The following PRKDC variants were observed in gnomAD, a reference collection of about 807,000 sequenced individuals.
PRKDC encodes DNA-dependent protein kinase catalytic subunit.
PRKDC carries 82 observed loss-of-function variants against 486.9 expected under a neutral mutation model. That is an observed-to-expected ratio of 0.17 (90% CI 0.14 to 0.20). PRKDC has a LOEUF of 0.20. Ranked by LOEUF, PRKDC falls within the 10% of genes least tolerant of loss-of-function variation. The pLI is 1.00. For synonymous variants in PRKDC, 1,895 were observed against 1,837.0 expected, an observed-to-expected ratio of 1.03 and a Z score of -0.81; for missense variants, 4,504 against 5,038.2, an observed-to-expected ratio of 0.89 and a Z score of 3.21.
At chr8:47,933,245 C>T (rs781704764) in intron 15 of PRKDC, 73 bp from the exon 16 acceptor site, 10 of 1,216,638 alleles carry the variant, frequency 8.2e-6, no homozygotes, top group African/African-American at 1.6e-5. Context: ...AGCATTAAGA[C>T]ACATACACAG....
rs188397922 is a variant in PRKDC, at chr8:47,843,969, A to G, written c.7281-3780T>C. On this transcript the variant is annotated intron_variant, in intron 54 of 85. Transcript: ENST00000314191. The stretch of plus-strand genomic sequence containing the variant: ...CTTAAGTACATAGCCCACAGATACT[A>G]TAAAGCAACTACACAGTTAAGTCTA... Among the ~76,000 whole-genome samples the G allele has an allele frequency of 1.2e-4, 19 of 152,378 alleles. No individual in the cohort carries two copies. In the East Asian group the frequency reaches 3.7e-3, roughly 29 times the overall value.
chr8:47,826,778 G>A lies in PRKDC; in HGVS notation c.8661C>T (p.Pro2887=), dbSNP rs78163867. 1,568 of 1,611,454 alleles carry A rather than the reference G, an allele frequency of 9.7e-4. 12 individuals are homozygous for A. In the African/African-American group the frequency reaches 0.018, roughly 18 times the overall value. The change falls in exon 63 of 86, where the codon CCC becomes CCT. Residue 2887 remains proline (P), a synonymous_variant. Transcript: ENST00000314191. The part of the protein sequence containing the change: ...SAGCLASLQQ[P]VGIRLLEEAL... The stretch of plus-strand genomic sequence containing the variant: ...CCTCCTCTAGCAGGCGGATGCCCAC[G>A]GGCTGCTGTAGGCTGGCCAGGCAAC...
chr8:47,946,575 T>G (rs527257360), intron 7 of PRKDC, among the ~76,000 whole-genome samples: 1 of 152,012 alleles, frequency 6.6e-6, no homozygotes, highest in African/African-American at 2.4e-5. Flanking sequence ...TCCTCAGCAC[T>G]CTCTTGAGAC....
In PRKDC at chr8:47,789,157, G is replaced by A. The variant is rs769045969; in HGVS notation, c.10752C>T (p.Leu3584=). 31 of 1,613,100 alleles carry A rather than the reference G, an allele frequency of 1.9e-5. 1 individual carries two copies. The South Asian group carries it at 3.4e-4, about 18-fold the overall frequency. Residue 3584 remains leucine (L), a synonymous_variant, in exon 75 of 86, where the codon CTC becomes CTT. Transcript: ENST00000314191. The stretch of plus-strand genomic sequence containing the variant: ...GAAGCCGTTCTATCATTACCTTAAA[G>A]AGCAGTTCAGGATTAGAGAGCTGAT... ...ALDQLSNPEL[L]FKDWSNDVRA... is the part of the protein sequence containing the mutation.
At chr8:47,783,946 G>T (rs1328558063) in intron 77 of PRKDC, 137 bp from the exon 78 acceptor site, 1 of 833,928 alleles carries the variant, frequency 1.2e-6, no homozygotes, top group African/African-American at 1.7e-5. Context: ...TCACTTAAAG[G>T]GAACTGACTT....
chr8:47,862,500 T>C lies in PRKDC; in HGVS notation c.5792A>G (p.Asn1931Ser), dbSNP rs2088699860. Residue 1931 changes from asparagine (N) to serine (S), a missense_variant, in exon 43 of 86, where the codon AAT becomes AGT. This residue lies in a region of PRKDC where 80 missense variants were observed against 132.3 expected (regional missense o/e 0.60). Transcript: ENST00000314191. ...AAGTCTTCTCCTCTCCAGCAGCTGA[T>C]TCTCTCCTGCCATGTTCTCTGTAAA... ...DAFTENMAGE[N>S]QLLERRRLYH... The C allele has an allele frequency of 1.2e-6, 2 of 1,613,490 alleles. No individual in the cohort carries two copies. Among genetic ancestry groups the C allele is most frequent in the African/African-American group, 2.7e-5 (2 of 74,930 alleles).
intron 68 of PRKDC, among the ~76,000 whole-genome samples, chr8:47,809,170 C>T (rs1461530102): frequency 6.6e-6 from 1 of 151,580 alleles, no homozygotes; most frequent in Non-Finnish European, 1.5e-5. Flanking sequence ...GGAAACACTG[C>T]AGGAAGATAA....
chr8:47,879,795 T>G, intron 38 of PRKDC, 137 bp from the exon 39 acceptor site: 1 of 663,478 alleles, frequency 1.5e-6, no homozygotes, highest in South Asian at 3.5e-5. Context: ...ATTTCTAAAT[T>G]ATATTAAAAA....
At chr8:47,846,426 A>AG (rs2088265805) in intron 54 of PRKDC, among the ~76,000 whole-genome samples, 1 of 151,820 alleles carries the variant, frequency 6.6e-6, no homozygotes, top group Non-Finnish European at 1.5e-5. Context: ...AAAAAAAAAA[A>AG]AAAAAGAAAA....
chr8:47,957,354 C>A lies in PRKDC; in HGVS notation c.231+1G>T. On this transcript the variant is annotated splice_donor_variant, in intron 2 of 85. Transcript: ENST00000314191. LOFTEE classifies it high-confidence loss of function. ...AAGCAAAACCAAAATTGTCAACTTA[C>A]TTCAATACTGTTGAGTGACTTCCGG... 6.3e-7 allele frequency: 1 copy of A among 1,597,050 alleles called. No homozygotes were observed. The highest frequency in any genetic ancestry group is 8.5e-7 in the Non-Finnish European group (1 of 1,170,906).
intron 68 of PRKDC, among the ~76,000 whole-genome samples, chr8:47,815,436 G>C (rs2087423117): frequency 6.6e-6 from 1 of 152,176 alleles, no homozygotes; most frequent in South Asian, 2.1e-4. Flanking sequence ...CAGTGCATCA[G>C]AGACCTCAAT....
At chr8:47,906,668 A>G (rs2089788402) in intron 25 of PRKDC, among the ~76,000 whole-genome samples, 1 of 150,148 alleles carries the variant, frequency 6.7e-6, no homozygotes, top group Admixed American at 7.0e-5. Context: ...TAAGGTGAAC[A>G]CTCCCTACAC....
intron 25 of PRKDC, among the ~76,000 whole-genome samples, chr8:47,912,167 A>G (rs2089915819): frequency 6.6e-6 from 1 of 152,140 alleles, no homozygotes; most frequent in Non-Finnish European, 1.5e-5. Context: ...ACTCTCAGTA[A>G]CTTTTAACTA....
intron 1 of PRKDC, among the ~76,000 whole-genome samples, chr8:47,957,868 T>A (rs1353877293): frequency 6.6e-6 from 1 of 152,168 alleles, no homozygotes; most frequent in Non-Finnish European, 1.5e-5. Context: ...TAACCCAAGG[T>A]TGCTGTATTA....
Position 47,782,503 on chromosome 8 carries a change from G to A in PRKDC, c.11271C>T (p.Asp3757=). Residue 3757 remains aspartate (D), a synonymous_variant, in exon 79 of 86, where the codon GAC becomes GAT. Coordinates refer to ENST00000314191, the MANE Select transcript of PRKDC (RefSeq NM_006904.7). The surrounding 1 kb of genome is among the most constrained non-coding windows in gnomAD (Gnocchi z 4.9). ...GCTCCACGCGCTGGTCCTGCCGCAG[G>A]TCCTCGCCACCCTTCACCAGGAAAG... ...EHPFLVKGGE[D]LRQDQRVEQL... 6.3e-7 allele frequency: 1 copy of A among 1,578,608 alleles called. No individual in the cohort carries two copies.
intron 24 of PRKDC, 97 bp downstream of exon 24, chr8:47,913,803 AT>A: frequency 8.4e-7 from 1 of 1,188,252 alleles, no homozygotes; most frequent in Non-Finnish European, 1.1e-6. Flanking sequence ...AAAATTACTA[AT>A]ATTGGAATGG....
At position 47,814,540 on chromosome 8, in the gene PRKDC, A is replaced by C. The variant is rs188487476; in HGVS notation, c.9557+2910T>G. ...TAAAAAGCAATTACATTAGCAGCAA[A>C]TAATTGGAAAATAATACAATTTTAA... On this transcript the variant is annotated intron_variant, in intron 68 of 85. Coordinates refer to ENST00000314191, the MANE Select transcript of PRKDC (RefSeq NM_006904.7). Among the ~76,000 whole-genome samples, 332 of 152,320 alleles carry C rather than the reference A, an allele frequency of 2.2e-3. 5 individuals carry two copies. In the Middle Eastern group the frequency reaches 0.037, roughly 17 times the overall value.
At chr8:47,803,209 C>T in intron 70 of PRKDC, 97 bp downstream of exon 70, 5 of 1,212,234 alleles carry the variant, frequency 4.1e-6, no homozygotes, top group Non-Finnish European at 3.4e-6. Context: ...GATTTACCTC[C>T]CAAATGTCAG....
chr8:47,922,343 G>GC (rs1335814997), intron 21 of PRKDC, among the ~76,000 whole-genome samples: 1 of 152,030 alleles, frequency 6.6e-6, no homozygotes, highest in Non-Finnish European at 1.5e-5. Flanking sequence ...GCAGTGGTGC[G>GC]CACCTGTAAT....
Sources: gnomAD v4.1 joint callset for allele counts (sites outside exome capture counted in the v4.1 genomes callset) on GRCh38, gnomAD v4.1.1 for gene constraint, gnomAD v4.1.1 regional missense constraint, Gnocchi (gnomAD v3.1) non-coding constraint, MANE v1.5 for transcripts, NCBI Gene and HGNC (gene_info 2026-07-23, HGNC 2026-07-21) for gene names.